SNRK: variants seen among roughly 807,000 people sequenced by gnomAD.
The protein encoded by SNRK is SNF related kinase.
A neutral mutation model predicts 48.2 loss-of-function variants in SNRK; 3 were observed. The ratio of observed to expected loss-of-function variants is 0.06; its 90% confidence interval spans 0.03 to 0.16. The LOEUF (loss-of-function observed/expected upper bound fraction) is 0.16, where lower values mean the gene tolerates loss of function less well. SNRK is among the 10% of genes least tolerant of loss of function. SNRK has a pLI of 1.00. For synonymous variants in SNRK, 376 were observed against 366.1 expected (o/e 1.03, Z -0.31); for missense variants, 627 against 976.0 (o/e 0.64, Z 4.76).
intron 1 of SNRK, among the ~76,000 whole-genome samples, chr3:43,290,511 T>G (rs1406467380): frequency 6.6e-6 from 1 of 152,204 alleles, no homozygotes; most frequent in African/African-American, 2.4e-5. Context: ...CATTGAGTTC[T>G]TGGATTCTAC....
intron 3 of SNRK, among the ~76,000 whole-genome samples, chr3:43,326,624 G>T (rs1256142888): frequency 1.3e-5 from 2 of 152,164 alleles, no homozygotes; most frequent in Non-Finnish European, 2.9e-5. Context: ...ATCATTGGAG[G>T]ATTTGAAGCA....
chr3:43,287,218 A>G (rs1485978820), intron 1 of SNRK, among the ~76,000 whole-genome samples: 3 of 152,184 alleles, frequency 2.0e-5, no homozygotes, highest in African/African-American at 7.2e-5. Context: ...GCAAAGGGGT[A>G]AGGAAAGAGG....
chr3:43,348,414 G>C lies in SNRK; in HGVS notation c.2155G>C (p.Glu719Gln). The change falls in exon 7 of 7, where the codon GAA (glutamate) becomes CAA (glutamine). Residue 719 changes from glutamate to glutamine, a missense_variant. By Grantham distance (29) the Glu-to-Gln change is conservative (BLOSUM62 2). Around this residue, in one of 4 missense-constraint regions of SNRK, gnomAD observed 207 missense variants for 234.3 expected, o/e 0.88. Coordinates refer to ENST00000296088, the MANE Select transcript of SNRK (RefSeq NM_017719.5). ...DHMADTTTEL[E>Q]RIKSKNLKNN... ...CATGGCAGATACCACCACTGAATTG[G>C]AACGGATAAAGAGCAAGAACCTGAA... The C allele has an allele frequency of 1.9e-6, 3 of 1,612,308 alleles. No homozygotes were observed. The highest frequency in any genetic ancestry group is 2.5e-6 in the Non-Finnish European group (3 of 1,179,196).
intron 3 of SNRK, among the ~76,000 whole-genome samples, chr3:43,315,457 C>G (rs2091007193): frequency 6.6e-6 from 1 of 152,188 alleles, no homozygotes; most frequent in Admixed American, 6.5e-5. Context: ...AGAGGACCTT[C>G]TCTTCCCAGA....
intron 4 of SNRK, among the ~76,000 whole-genome samples, chr3:43,333,751 T>C (rs1410222243): frequency 6.6e-6 from 1 of 152,202 alleles, no homozygotes; most frequent in Non-Finnish European, 1.5e-5. Flanking sequence ...AATGTATATG[T>C]AGTAAAATGA....
chr3:43,322,367 A>T (rs549290629), intron 3 of SNRK, among the ~76,000 whole-genome samples: 1 of 152,382 alleles, frequency 6.6e-6, no homozygotes, highest in African/African-American at 2.4e-5. Context: ...TCTAAGAAAG[A>T]GTCATAAGAA....
intron 2 of SNRK, among the ~76,000 whole-genome samples, chr3:43,301,896 T>C (rs1314773118): frequency 4.6e-5 from 7 of 152,242 alleles, no homozygotes. Context: ...CTGTGAGATA[T>C]AAAGTTGCAT....
intron 3 of SNRK, among the ~76,000 whole-genome samples, chr3:43,331,856 AGT>A (rs1440711453): frequency 1.3e-5 from 2 of 152,194 alleles, no homozygotes; most frequent in East Asian, 3.8e-4. Context: ...GAAAAATAGC[AGT>A]GTGTTGTCTG....
intron 3 of SNRK, among the ~76,000 whole-genome samples, chr3:43,307,619 A>G (rs1453119711): frequency 6.6e-6 from 1 of 152,194 alleles, no homozygotes; most frequent in Non-Finnish European, 1.5e-5. Flanking sequence ...CACCCAGATA[A>G]GACAGCAAAC....
In SNRK at chr3:43,348,193, A is replaced by G. The variant is rs753918087; in HGVS notation, c.1934A>G (p.Glu645Gly). ...TCTCGCAGTGCTGGGGAGCTCGTTG[A>G]GAGCCTCAAACTCATGAGCCTCTGC... is the stretch of plus-strand genomic sequence containing the variant. ...LASRSAGELV[E>G]SLKLMSLCLG... is the part of the protein sequence containing the mutation. The change falls in exon 7 of 7, where the codon GAG (glutamate) becomes GGG (glycine). Residue 645 changes from glutamate to glycine, a missense_variant. By Grantham distance (98) the Glu-to-Gly change is moderately conservative. Coordinates refer to ENST00000296088, the MANE Select transcript of SNRK (RefSeq NM_017719.5). 4 of 1,602,138 alleles carry G rather than the reference A, an allele frequency of 2.5e-6. No homozygotes were observed. The Admixed American group carries it at 5.2e-5, about 21-fold the overall frequency.
chr3:43,345,459 G>A (rs2091268146), intron 6 of SNRK, among the ~76,000 whole-genome samples: 1 of 152,196 alleles, frequency 6.6e-6, no homozygotes, highest in African/African-American at 2.4e-5. Context: ...ATGCTCTGTG[G>A]CCAGTGGGTA....
At chr3:43,296,508 T>C (rs1441925889) in intron 1 of SNRK, among the ~76,000 whole-genome samples, 2 of 150,656 alleles carry the variant, frequency 1.3e-5, no homozygotes, top group Non-Finnish European at 3.0e-5. Flanking sequence ...AAAACTTATA[T>C]TCTAAATGAA....
At chr3:43,314,324 G>T (rs1348859146) in intron 3 of SNRK, among the ~76,000 whole-genome samples, 1 of 152,138 alleles carries the variant, frequency 6.6e-6, no homozygotes, top group African/African-American at 2.4e-5. Context: ...TTAAAATCCA[G>T]TATGCATTTA....
At chr3:43,309,831 G>C (rs962190547) in intron 3 of SNRK, among the ~76,000 whole-genome samples, 52 of 151,948 alleles carry the variant, frequency 3.4e-4, no homozygotes, top group Admixed American at 6.6e-4. Context: ...GCCTGGGCTG[G>C]TCTTGATAAA....
intron 4 of SNRK, among the ~76,000 whole-genome samples, chr3:43,334,286 A>T (rs1299360223): frequency 6.6e-6 from 1 of 152,098 alleles, no homozygotes; most frequent in Non-Finnish European, 1.5e-5. Context: ...CCCTGTCTCT[A>T]CTAAACAAAC....
At chr3:43,325,804 C>A (rs1174243890) in intron 3 of SNRK, among the ~76,000 whole-genome samples, 1 of 152,132 alleles carries the variant, frequency 6.6e-6, no homozygotes, top group African/African-American at 2.4e-5. Flanking sequence ...AAGCAGTTCT[C>A]CAATGGGTCC....
intron 1 of SNRK, among the ~76,000 whole-genome samples, chr3:43,299,222 G>C (rs2090880168): frequency 6.6e-6 from 1 of 152,172 alleles, no homozygotes; most frequent in African/African-American, 2.4e-5. Context: ...TTGTCACCCA[G>C]GTTGGAGTGC....
chr3:43,314,457 A>G (rs532053318), intron 3 of SNRK, among the ~76,000 whole-genome samples: 1 of 152,288 alleles, frequency 6.6e-6, no homozygotes, highest in African/African-American at 2.4e-5. Context: ...CATTTGTATA[A>G]TATGCCAGCT....
Position 43,303,141 on chromosome 3 carries a change from A to G in SNRK, c.-63A>G. On this transcript the variant is annotated 5_prime_UTR_variant, in exon 3 of 7. Transcript: ENST00000296088. The surrounding 1 kb of genome is among the most constrained non-coding windows in gnomAD (Gnocchi z 6.2). ...AAAATGAATTTTTTGTATTCACCAG[A>G]TATTCTTATATGAGAAGATCTATTT... The G allele has an allele frequency of 8.3e-7, 1 of 1,198,458 alleles. No individual in the cohort carries two copies. The highest frequency in any genetic ancestry group is 1.2e-6 in the Non-Finnish European group (1 of 850,530). The allele number at this position is 1,198,458 out of a possible 1,614,324, so 74.2% of individuals were successfully genotyped here.
Sources: allele counts gnomAD v4.1 joint callset (sites outside exome capture counted in the v4.1 genomes callset), GRCh38; gene constraint gnomAD v4.1.1; regional missense constraint gnomAD v4.1.1; non-coding constraint Gnocchi (gnomAD v3.1); transcripts MANE v1.5; gene names NCBI Gene and HGNC (gene_info 2026-07-23, HGNC 2026-07-21).